Variants in SWT1 observed in about 807,000 individuals in gnomAD.
The protein encoded by SWT1 is transcriptional protein SWT1.
SWT1 carries 33 observed loss-of-function variants against 107.3 expected under a neutral mutation model. The ratio of observed to expected loss-of-function variants is 0.31; its 90% CI spans 0.23 to 0.41. The LOEUF (loss-of-function observed/expected upper bound fraction) is 0.41. Among genes scored for constraint, SWT1 ranks in the 10% least tolerant of loss-of-function variants. SWT1 has a pLI of 1.00. For synonymous variants in SWT1, 345 were observed against 348.3 expected (o/e 0.99, Z 0.11); for missense variants, 898 against 1,028.9 (o/e 0.87, Z 1.74).
chr1:185,271,448 A>G, intron 17 of SWT1, 59 bp downstream of exon 17: 1 of 887,312 alleles, frequency 1.1e-6, no homozygotes, highest in Non-Finnish European at 1.8e-6. Flanking sequence ...TTTTAATGTA[A>G]ATAAACAGAG....
intron 6 of SWT1, among the ~76,000 whole-genome samples, chr1:185,181,375 C>T (rs1204963582): frequency 6.6e-6 from 1 of 152,166 alleles, no homozygotes; most frequent in Non-Finnish European, 1.5e-5. Context: ...GATGTCTCAC[C>T]TCTGATCTAA....
chr1:185,287,988 G>A (rs1444025849), intron 18 of SWT1, among the ~76,000 whole-genome samples: 1 of 152,132 alleles, frequency 6.6e-6, no homozygotes, highest in Non-Finnish European at 1.5e-5. Flanking sequence ...AGATTCAAAA[G>A]TCTAGTTACT....
In SWT1 at chr1:185,174,352, G is replaced by T. The variant is rs199755095; in HGVS notation, c.225-20G>T. ...TATGTATAATTATAATGTAACCTAG[G>T]TTTCTGTGCTGTTTTACAGATTGAG... On this transcript the variant is annotated intron_variant, in intron 4 of 18. Transcript: ENST00000367500. 1.3e-4 allele frequency: 193 copies of T among 1,509,672 alleles called. 1 individual carries two copies. The highest frequency in any genetic ancestry group is 1.5e-4 in the Non-Finnish European group (175 of 1,135,184). The allele number at this position is 1,509,672 out of a possible 1,614,324, so 93.5% of individuals were successfully genotyped here. A position where few individuals can be genotyped will look rare whatever the true frequency, so the allele number is the denominator to read the frequency against.
chr1:185,228,194 T>C (rs1188761485), intron 15 of SWT1, among the ~76,000 whole-genome samples: 2 of 98,080 alleles, frequency 2.0e-5, no homozygotes, highest in African/African-American at 4.4e-5. Flanking sequence ...TATATACATA[T>C]ATATATACTC....
At chr1:185,258,812 T>G (rs775121779) in intron 16 of SWT1, among the ~76,000 whole-genome samples, 35 of 152,112 alleles carry the variant, frequency 2.3e-4, no homozygotes, top group Admixed American at 1.3e-4. Flanking sequence ...TTATCTCTCT[T>G]GAGATGTGGT....
At chr1:185,268,853 CTTT>C (rs71101966) in intron 16 of SWT1, among the ~76,000 whole-genome samples, 3 of 134,574 alleles carry the variant, frequency 2.2e-5, no homozygotes, top group Non-Finnish European at 1.6e-5. Flanking sequence ...TTCTTTTTCT[CTTT>C]TTTTTTTTTT....
Position 185,174,803 on chromosome 1 carries a change from A to G in SWT1, c.656A>G (p.Lys219Arg), listed in dbSNP as rs771287707. 1 of 1,612,386 alleles carries G rather than the reference A, an allele frequency of 6.2e-7. No individual in the cohort carries two copies. The highest frequency in any genetic ancestry group is 8.5e-7 in the Non-Finnish European group (1 of 1,179,656). The change falls in exon 5 of 19, where the codon AAG (lysine) becomes AGG (arginine). Residue 219 changes from lysine to arginine, a missense_variant. By Grantham distance (26) the Lys-to-Arg change is conservative. Coordinates refer to ENST00000367500, the MANE Select transcript of SWT1 (RefSeq NM_017673.7). The stretch of plus-strand genomic sequence containing the variant: ...TTTTCTCAGGATTATAACTCCAACA[A>G]GATAATTAAGGAACCCTTGGGATCT... ...NQFSQDYNSN[K>R]IIKEPLGSRR...
intron 10 of SWT1, among the ~76,000 whole-genome samples, chr1:185,196,086 G>A (rs1657363566): frequency 6.6e-6 from 1 of 152,096 alleles, no homozygotes; most frequent in Non-Finnish European, 1.5e-5. Flanking sequence ...GTCCTGAATG[G>A]TATTGCCTAG....
chr1:185,210,531 G>A (rs1011436830), intron 13 of SWT1, among the ~76,000 whole-genome samples: 7 of 152,040 alleles, frequency 4.6e-5, no homozygotes, highest in Non-Finnish European at 7.4e-5. Context: ...TTGATGGAAC[G>A]TATCTCAAAA....
chr1:185,262,652 G>A (rs1663099922), intron 16 of SWT1: 1 of 152,334 alleles, frequency 6.6e-6, no homozygotes, highest in African/African-American at 2.4e-5. Context: ...TGAAGTCCAG[G>A]ATCAAGGTGC....
chr1:185,164,770 G>C (rs1321431359), intron 2 of SWT1, among the ~76,000 whole-genome samples: 2 of 152,180 alleles, frequency 1.3e-5, no homozygotes, highest in African/African-American at 2.4e-5. Flanking sequence ...TGGCTGGTTT[G>C]ATTTTCTATC....
chr1:185,192,801 C>T (rs554314045), intron 10 of SWT1, among the ~76,000 whole-genome samples: 3 of 152,070 alleles, frequency 2.0e-5, no homozygotes, highest in East Asian at 1.9e-4. Flanking sequence ...GTGAGTGCCA[C>T]CACGCCTGAC....
chr1:185,179,317 C>T (rs563652209), intron 5 of SWT1, among the ~76,000 whole-genome samples: 5 of 152,182 alleles, frequency 3.3e-5, no homozygotes, highest in East Asian at 3.9e-4. Context: ...AATAGATTTC[C>T]GTAAAGTACA....
intron 4 of SWT1, among the ~76,000 whole-genome samples, chr1:185,168,626 G>A (rs1443353020): frequency 6.6e-6 from 1 of 152,152 alleles, no homozygotes; most frequent in Admixed American, 6.5e-5. Flanking sequence ...ACACTCAAAT[G>A]TGCATTTTAA....
chr1:185,176,963 G>A (rs970943216), intron 5 of SWT1: 4 of 906,352 alleles, frequency 4.4e-6, no homozygotes, highest in East Asian at 1.2e-4. Context: ...CAGCCTGGGC[G>A]ACAGAGCAAG....
chr1:185,265,390 A>G (rs1270443193), intron 16 of SWT1, among the ~76,000 whole-genome samples: 1 of 152,226 alleles, frequency 6.6e-6, no homozygotes, highest in African/African-American at 2.4e-5. Context: ...TTTACTTGTA[A>G]TAAATAATCC....
At chr1:185,185,908 G>C (rs1375032559) in intron 9 of SWT1, among the ~76,000 whole-genome samples, 1 of 152,098 alleles carries the variant, frequency 6.6e-6, no homozygotes, top group East Asian at 1.9e-4. Flanking sequence ...TCCATGTCAA[G>C]TAGCTTTAGT....
chr1:185,229,656 A>G (rs1282418733), intron 15 of SWT1, among the ~76,000 whole-genome samples: 4 of 151,600 alleles, frequency 2.6e-5, no homozygotes, highest in South Asian at 2.1e-4. Context: ...CACACACACA[A>G]TTTGCTTGTA....
chr1:185,171,092 T>C (rs1262900889), intron 4 of SWT1, among the ~76,000 whole-genome samples: 2 of 152,130 alleles, frequency 1.3e-5, no homozygotes, highest in African/African-American at 4.8e-5. Context: ...CCAATGGTTG[T>C]CAGTTCCCCT....
Sources: allele counts gnomAD v4.1 joint callset (sites outside exome capture counted in the v4.1 genomes callset), GRCh38; gene constraint gnomAD v4.1.1; transcripts MANE v1.5; gene names NCBI Gene and HGNC (gene_info 2026-07-23, HGNC 2026-07-21).